DNAJB13: variants seen among roughly 807,000 people sequenced by gnomAD.
DNAJB13 encodes the protein DnaJ heat shock protein family (Hsp40) member B13.
In DNAJB13, 22 loss-of-function variants were observed where a neutral mutation model predicts 35.6. The observed-to-expected ratio is 0.62, with a 90% confidence interval of 0.44 to 0.88. The LOEUF (loss-of-function observed/expected upper bound fraction) is 0.88. DNAJB13 is among the 40% of genes least tolerant of loss of function. DNAJB13 has a pLI of 0.00. For synonymous variants in DNAJB13, 136 were observed against 144.2 expected (o/e 0.94, Z 0.41); for missense variants, 370 against 384.3 (o/e 0.96, Z 0.31).
At chr11:73,964,815 G>GCCCGCGCGCGCGCGCGCC (rs1554992104) in intron 3 of DNAJB13, 63 bp from the exon 4 acceptor site, 1 of 886,154 alleles carries the variant, frequency 1.1e-6, no homozygotes, top group African/African-American at 2.0e-5. Flanking sequence ...GTGTGTGTGC[G>GCCCGCGCGCGCGCGCGCC]CGCGCGCGCA....
Position 73,970,198 on chromosome 11 carries a change from G to A in DNAJB13, c.*84G>A. 6.7e-7 allele frequency: 1 copy of A among 1,487,932 alleles called. No homozygotes were observed. The highest frequency in any genetic ancestry group is 1.4e-5 in the South Asian group (1 of 72,920). The allele number at this position is 1,487,932 out of a possible 1,614,324, so 92.2% of individuals were successfully genotyped here. A position where few individuals can be genotyped will look rare whatever the true frequency, so the allele number is the denominator to read the frequency against. ...CCGCCACAGCCTCAGGGTGTGCAGG[G>A]GAGCCTGCTGCACAGATATGATACA... On this transcript the variant is annotated 3_prime_UTR_variant, in exon 8 of 8. Transcript: ENST00000339764.
chr11:73,966,628 C>T (rs1419245356), intron 5 of DNAJB13, among the ~76,000 whole-genome samples: 1 of 152,050 alleles, frequency 6.6e-6, no homozygotes, highest in Non-Finnish European at 1.5e-5. Context: ...ATTACAGGAG[C>T]TACTCAGAAA....
intron 1 of DNAJB13, among the ~76,000 whole-genome samples, chr11:73,951,596 C>T (rs1486849081): frequency 1.3e-5 from 2 of 152,166 alleles, no homozygotes; most frequent in Non-Finnish European, 2.9e-5. Context: ...CGTTCTGGCT[C>T]GTTCCTAAGA....
At position 73,970,045 on chromosome 11, in the gene DNAJB13, C is replaced by T. The variant is rs2306819; in HGVS notation, c.882C>T (p.Phe294=). The T allele has an allele frequency of 0.29, 464,579 of 1,609,274 alleles. 68,644 individuals are homozygous for T. The highest frequency in any genetic ancestry group is 0.37 in the Admixed American group (21,745 of 59,286). The change falls in exon 8 of 8, where the codon TTC becomes TTT. Residue 294 remains phenylalanine, a synonymous_variant. Coordinates refer to ENST00000339764, the MANE Select transcript of DNAJB13 (RefSeq NM_153614.4). ...AGAAAGGGGATCTCTTCATCTTCTT[C>T]GACATCCAGTTCCCCACCCGCCTCA... ...PTKKGDLFIF[F]DIQFPTRLTP...
rs114393160 is a variant in DNAJB13, at chr11:73,968,029, T to A, written c.607-316T>A. Reference sequence around the variant, plus strand: ...TGGAGTTACTAGCAAGACAGAGACATACGGGCAGTTGCCTGACGCCCAGCT... The same window carrying A: ...TGGAGTTACTAGCAAGACAGAGACAAACGGGCAGTTGCCTGACGCCCAGCT... On this transcript the variant is annotated intron_variant, in intron 5 of 7. Coordinates refer to ENST00000339764, the MANE Select transcript of DNAJB13 (RefSeq NM_153614.4). The A allele has an allele frequency of 5.2e-3, 2,556 of 490,752 alleles. 58 individuals are homozygous for A. Among genetic ancestry groups the A allele is most frequent in the African/African-American group, 0.045 (2,337 of 51,658 alleles). The allele number at this position is 490,752 out of a possible 1,614,324, so 30.4% of individuals were successfully genotyped here.
At chr11:73,956,830 G>A (rs968745574) in intron 1 of DNAJB13, among the ~76,000 whole-genome samples, 1 of 148,120 alleles carries the variant, frequency 6.8e-6, no homozygotes, top group Non-Finnish European at 1.5e-5. Flanking sequence ...AAAAGTATAT[G>A]TCTGGGCTCA....
intron 3 of DNAJB13, chr11:73,964,627 G>C: frequency 2.1e-6 from 1 of 474,326 alleles, no homozygotes. Context: ...GAAGCAGTGG[G>C]AAATGGCAAA....
intron 5 of DNAJB13, 60 bp downstream of exon 5, chr11:73,966,311 G>A (rs79865934): frequency 0.042 from 62,520 of 1,502,224 alleles, 1,504 homozygotes; most frequent in Middle Eastern, 0.072. Context: ...GGAAGACTGA[G>A]GAGGAAAGGA....
In DNAJB13 at chr11:73,958,317, G is replaced by A. The variant is rs750954470; in HGVS notation, c.69G>A (p.Ala23=). ...CTTGTATTAATTCTCCCTCTTCCAG[G>A]TACCGCAGACTCGCCCTTAAGCACC... The part of the protein sequence containing the change: ...RNSEDAQIKQ[A]YRRLALKHHP... Residue 23 remains alanine (A), a splice_region_variant and synonymous_variant, in exon 2 of 8, where the codon GCG becomes GCA. Transcript: ENST00000339764. 4.0e-5 allele frequency: 65 copies of A among 1,613,902 alleles called. 3 individuals are homozygous for A. The South Asian group carries it at 7.0e-4, about 17-fold the overall frequency.
intron 1 of DNAJB13, among the ~76,000 whole-genome samples, chr11:73,957,463 C>T: frequency 6.6e-6 from 1 of 152,220 alleles, no homozygotes. Flanking sequence ...CGCTCCATCT[C>T]TCCCCCACCC....
At chr11:73,962,950 C>A (rs2135320054) in intron 3 of DNAJB13, among the ~76,000 whole-genome samples, 1 of 152,288 alleles carries the variant, frequency 6.6e-6, no homozygotes. Flanking sequence ...CTCTGAAACC[C>A]CAGCTTCCTA....
chr11:73,953,835 T>TA (rs1950649441), intron 1 of DNAJB13, among the ~76,000 whole-genome samples: 1 of 151,118 alleles, frequency 6.6e-6, no homozygotes, highest in Admixed American at 6.6e-5. Context: ...CCGTCTCTAC[T>TA]AAAAAATACA....
intron 3 of DNAJB13, among the ~76,000 whole-genome samples, chr11:73,961,095 TG>T (rs1385873720): frequency 1.1e-4 from 16 of 152,084 alleles, no homozygotes; most frequent in Admixed American, 4.6e-4. Context: ...GGTGCCAACC[TG>T]GGCAACATAG....
At chr11:73,960,714 A>G (rs1286707609) in intron 3 of DNAJB13, among the ~76,000 whole-genome samples, 1 of 152,218 alleles carries the variant, frequency 6.6e-6, no homozygotes, top group East Asian at 1.9e-4. Flanking sequence ...CCATGCTTGT[A>G]TGAGCTGTAT....
intron 1 of DNAJB13, among the ~76,000 whole-genome samples, chr11:73,951,429 C>A (rs1950582246): frequency 6.6e-6 from 1 of 152,108 alleles, no homozygotes. Flanking sequence ...ACAAAGGAGC[C>A]ATTTGAACTT....
chr11:73,959,291 C>T (rs1247625733), intron 2 of DNAJB13, among the ~76,000 whole-genome samples: 1 of 152,180 alleles, frequency 6.6e-6, no homozygotes, highest in Non-Finnish European at 1.5e-5. Flanking sequence ...TTCTGGGCTA[C>T]AGGAGCCATA....
At chr11:73,962,308 T>A (rs1310820204) in intron 3 of DNAJB13, among the ~76,000 whole-genome samples, 1 of 150,654 alleles carries the variant, frequency 6.6e-6, no homozygotes, top group Middle Eastern at 3.3e-3. Flanking sequence ...GCCTAGCATC[T>A]GACAAGAGTG....
At chr11:73,951,493 C>G (rs1185288869) in intron 1 of DNAJB13, among the ~76,000 whole-genome samples, 1 of 152,148 alleles carries the variant, frequency 6.6e-6, no homozygotes, top group African/African-American at 2.4e-5. Flanking sequence ...GTGGCCAGGC[C>G]AGATGGATGT....
intron 3 of DNAJB13, 113 bp from the exon 4 acceptor site, chr11:73,964,765 C>CTGTGTGTGTGTGTGTG (rs3222042): frequency 1.5e-5 from 10 of 659,754 alleles, no homozygotes; most frequent in East Asian, 1.4e-4. Flanking sequence ...GATAGGGAGG[C>CTGTGTGTGTGTGTGTG]TGTGTGTGTG....
Sources: gnomAD v4.1 joint callset for allele counts (sites outside exome capture counted in the v4.1 genomes callset) on GRCh38, gnomAD v4.1.1 for gene constraint, MANE v1.5 for transcripts, NCBI Gene and HGNC (gene_info 2026-07-23, HGNC 2026-07-21) for gene names.